Variants in MYO3A observed in about 807,000 individuals in gnomAD.
MYO3A encodes myosin IIIA.
A neutral mutation model predicts 192.7 loss-of-function variants in MYO3A; 180 were observed. The ratio of observed to expected loss-of-function variants is 0.93; its 90% CI spans 0.83 to 1.06. MYO3A has a LOEUF of 1.06. Among genes scored for constraint, MYO3A ranks in the 50% least tolerant of loss-of-function variants. The pLI, the probability that MYO3A is intolerant of heterozygous loss-of-function variation, is 0.00. For missense variants in MYO3A, 1,896 were observed against 1,905.0 expected (o/e 1.00, Z 0.09); for synonymous variants, 628 against 645.3 (o/e 0.97, Z 0.41).
chr10:26,135,242 A>G (rs1394638054), intron 20 of MYO3A, among the ~76,000 whole-genome samples: 1 of 152,138 alleles, frequency 6.6e-6, no homozygotes, highest in Non-Finnish European at 1.5e-5. Context: ...TCCTGTGCAG[A>G]AGAAAAAGGT....
intron 17 of MYO3A, among the ~76,000 whole-genome samples, chr10:26,120,029 A>G (rs1211263708): frequency 6.6e-6 from 1 of 150,782 alleles, no homozygotes; most frequent in Non-Finnish European, 1.5e-5. Flanking sequence ...TTAGCTGGGC[A>G]TGGTGGCATG....
chr10:26,042,808 C>G (rs912377640), intron 10 of MYO3A, among the ~76,000 whole-genome samples: 14 of 152,150 alleles, frequency 9.2e-5, no homozygotes, highest in African/African-American at 3.4e-4. Flanking sequence ...CAGGATTGGT[C>G]CCTGGTGACT....
rs958049682 is a variant in MYO3A, at chr10:25,972,880, G to C, written c.303+17872G>C. 1.3e-5 allele frequency among the ~76,000 whole-genome samples: 2 copies of C among 152,122 alleles called. 1 individual carries two copies. The highest frequency in any genetic ancestry group is 4.1e-4 in the South Asian group (2 of 4,834). ...CCAGCAGTGTCCTGGGGCATGAATT[G>C]TTTCACAATCTGATTCAATTAAGTT... On this transcript the variant is annotated intron_variant, in intron 4 of 34. Transcript: ENST00000642920.
At chr10:25,997,636 A>T (rs1840535559) in intron 6 of MYO3A, among the ~76,000 whole-genome samples, 1 of 152,190 alleles carries the variant, frequency 6.6e-6, no homozygotes, top group Non-Finnish European at 1.5e-5. Flanking sequence ...GGAAATTTTC[A>T]TTATCATCTG....
At chr10:26,011,509 A>G (rs538709719) in intron 6 of MYO3A, among the ~76,000 whole-genome samples, 6 of 152,336 alleles carry the variant, frequency 3.9e-5, no homozygotes, top group Admixed American at 6.5e-5. Flanking sequence ...TCAACAAACT[A>G]GAAAACATAG....
intron 17 of MYO3A, among the ~76,000 whole-genome samples, chr10:26,097,069 A>G (rs978369100): frequency 2.0e-5 from 3 of 152,024 alleles, no homozygotes; most frequent in African/African-American, 7.2e-5. Context: ...TTTAAGGTGT[A>G]TATTTCAGTG....
chr10:26,117,571 C>T (rs1411891612), intron 17 of MYO3A, among the ~76,000 whole-genome samples: 1 of 152,154 alleles, frequency 6.6e-6, no homozygotes, highest in East Asian at 1.9e-4. Context: ...TCAGCTCCCA[C>T]TTATAAGTGA....
At chr10:25,970,038 C>A (rs549054815) in intron 4 of MYO3A, among the ~76,000 whole-genome samples, 1 of 151,692 alleles carries the variant, frequency 6.6e-6, no homozygotes, top group Non-Finnish European at 1.5e-5. Context: ...TGCTTAATAA[C>A]AAAGCTTTAA....
chr10:25,974,502 T>C (rs2130754018), intron 4 of MYO3A, among the ~76,000 whole-genome samples: 1 of 152,296 alleles, frequency 6.6e-6, no homozygotes, highest in South Asian at 2.1e-4. Flanking sequence ...TTTGTTCTTA[T>C]GACCTGCCTC....
At chr10:26,183,299 C>T (rs1030277948) in intron 31 of MYO3A, among the ~76,000 whole-genome samples, 3 of 152,062 alleles carry the variant, frequency 2.0e-5, no homozygotes, top group Non-Finnish European at 4.4e-5. Flanking sequence ...CCGAGGCCGG[C>T]GGATCACGAG....
intron 6 of MYO3A, among the ~76,000 whole-genome samples, chr10:26,007,488 G>A (rs574265582): frequency 3.3e-5 from 5 of 151,538 alleles, no homozygotes; most frequent in South Asian, 2.1e-4. Context: ...AAACCCCATC[G>A]TCTCAGCTGA....
intron 19 of MYO3A, among the ~76,000 whole-genome samples, chr10:26,127,419 A>C (rs987360983): frequency 5.3e-5 from 8 of 152,212 alleles, no homozygotes; most frequent in South Asian, 2.1e-4. Flanking sequence ...ATCTTGCCTC[A>C]TACAATAATA....
chr10:25,967,373 G>C (rs1588674298), intron 4 of MYO3A, among the ~76,000 whole-genome samples: 1 of 152,166 alleles, frequency 6.6e-6, no homozygotes, highest in East Asian at 1.9e-4. Flanking sequence ...ACATTTAATA[G>C]AGACCCTCCA....
At chr10:26,086,917 TA>T (rs1212961374) in intron 14 of MYO3A, among the ~76,000 whole-genome samples, 2 of 152,186 alleles carry the variant, frequency 1.3e-5, no homozygotes, top group Non-Finnish European at 2.9e-5. Context: ...TGTGGTTCTG[TA>T]GATGTCAGCA....
chr10:26,204,693 T>C (rs1843830238), intron 34 of MYO3A, among the ~76,000 whole-genome samples: 1 of 152,262 alleles, frequency 6.6e-6, no homozygotes, highest in East Asian at 1.9e-4. Flanking sequence ...TTAGAGTTGA[T>C]GGCCTTAACC....
At chr10:26,097,788 G>C (rs1362669252) in intron 17 of MYO3A, among the ~76,000 whole-genome samples, 1 of 152,080 alleles carries the variant, frequency 6.6e-6, no homozygotes, top group Non-Finnish European at 1.5e-5. Flanking sequence ...GTCTATCATT[G>C]GTGGACATTT....
intron 34 of MYO3A, among the ~76,000 whole-genome samples, chr10:26,204,862 GT>G (rs904005461): frequency 4.0e-5 from 6 of 151,812 alleles, no homozygotes; most frequent in Admixed American, 1.3e-4. Flanking sequence ...CTCAGATAAG[GT>G]TTTTTTTTCT....
Position 26,120,662 on chromosome 10 carries a change from G to T in MYO3A, c.1777-14G>T, listed in dbSNP as rs4592324. On this transcript the variant is annotated splice_polypyrimidine_tract_variant and intron_variant, in intron 17 of 34. Coordinates refer to ENST00000642920, the MANE Select transcript of MYO3A (RefSeq NM_017433.5). Reference sequence around the variant, plus strand: ...AGGAAAGAATGATGCCAATGTTTCTGTGGTGTGTTTCAGCAACTTGGTAGT... The same window carrying T: ...AGGAAAGAATGATGCCAATGTTTCTTTGGTGTGTTTCAGCAACTTGGTAGT... The T allele has an allele frequency of 7.0e-4, 1,131 of 1,613,830 alleles. 8 individuals are homozygous for T. The African/African-American group carries it at 0.013, about 19-fold the overall frequency.
intron 29 of MYO3A, among the ~76,000 whole-genome samples, chr10:26,172,582 G>C (rs983437867): frequency 1.3e-5 from 2 of 152,186 alleles, no homozygotes; most frequent in African/African-American, 4.8e-5. Flanking sequence ...ATCAGTTAGG[G>C]ACTGCACGCT....
Sources: allele counts gnomAD v4.1 joint callset (sites outside exome capture counted in the v4.1 genomes callset), GRCh38; gene constraint gnomAD v4.1.1; transcripts MANE v1.5; gene names NCBI Gene and HGNC (gene_info 2026-07-23, HGNC 2026-07-21).